The following WWP1 variants were observed in gnomAD, a reference collection of about 807,000 sequenced individuals.
WWP1 encodes WW domain containing E3 ubiquitin protein ligase 1.
WWP1 carries 49 observed loss-of-function variants against 130.6 expected under a neutral mutation model. The ratio of observed to expected loss-of-function variants is 0.38; its 90% CI spans 0.30 to 0.48. The LOEUF (loss-of-function observed/expected upper bound fraction) is 0.48, where lower values mean the gene tolerates loss of function less well. Ranked by LOEUF, WWP1 falls within the 20% of genes least tolerant of loss-of-function variation. WWP1 has a pLI of 0.99. For synonymous variants in WWP1, 332 were observed against 367.8 expected, an observed-to-expected ratio of 0.90 and a Z score of 1.11; for missense variants, 809 against 1,100.6, an observed-to-expected ratio of 0.74 and a Z score of 3.75.
intron 24 of WWP1, 99 bp from the exon 25 acceptor site, chr8:86,466,695 C>A: frequency 1.3e-6 from 1 of 748,592 alleles, no homozygotes. Flanking sequence ...ATATAGTATA[C>A]ATATATCCAT....
intron 9 of WWP1, among the ~76,000 whole-genome samples, chr8:86,421,384 G>GT (rs1809191776): frequency 6.6e-6 from 1 of 152,128 alleles, no homozygotes; most frequent in South Asian, 2.1e-4. Context: ...TTTTAAGTAT[G>GT]TATGTGTTTA....
intron 5 of WWP1, among the ~76,000 whole-genome samples, chr8:86,388,683 A>G (rs1479802890): frequency 1.3e-5 from 2 of 151,858 alleles, no homozygotes; most frequent in South Asian, 2.1e-4. Context: ...CATGTTTTCC[A>G]TTGTATTTTT....
chr8:86,401,012 T>G (rs1483469025), intron 7 of WWP1, among the ~76,000 whole-genome samples: 1 of 142,298 alleles, frequency 7.0e-6, no homozygotes, highest in Non-Finnish European at 1.5e-5. Flanking sequence ...ACTTTTTTTG[T>G]TTTTTTTTTT....
At chr8:86,393,400 AC>A (rs553965588) in intron 5 of WWP1, among the ~76,000 whole-genome samples, 14 of 152,032 alleles carry the variant, frequency 9.2e-5, no homozygotes, top group Non-Finnish European at 1.5e-4. Context: ...GGCACGTGCC[AC>A]CATGCCTGGC....
chr8:86,415,818 G>A lies in WWP1; in HGVS notation c.1061+3944G>A, dbSNP rs1359789156. Among the ~76,000 whole-genome samples the A allele has an allele frequency of 3.3e-5, 5 of 152,136 alleles. No homozygotes were observed. The East Asian group carries it at 7.7e-4, about 23-fold the overall frequency. ...ATTATTTTTCTAGCACTTAAATTATGTGACACACAGTGTTATTATCTGTTG... is the reference window on the plus strand; with the variant it reads ...ATTATTTTTCTAGCACTTAAATTATATGACACACAGTGTTATTATCTGTTG... On this transcript the variant is annotated intron_variant, in intron 9 of 24. Coordinates refer to ENST00000517970, the MANE Select transcript of WWP1 (RefSeq NM_007013.4).
rs113040107 is a variant in WWP1 at position 86,447,049 on chromosome 8, A to T, written c.1999-1099A>T. Among the ~76,000 whole-genome samples, 4 of 152,264 alleles carry T rather than the reference A, an allele frequency of 2.6e-5. No homozygotes were observed. In the South Asian group the frequency reaches 8.3e-4, roughly 32 times the overall value. Reference sequence around the variant, plus strand: ...AGTAGGAATGAAATAGTCATCTAGGAAAGTGGGAGAGTGAATGCAGTAGGG... The same window carrying T: ...AGTAGGAATGAAATAGTCATCTAGGTAAGTGGGAGAGTGAATGCAGTAGGG... On this transcript the variant is annotated intron_variant, in intron 18 of 24. Coordinates refer to ENST00000517970, the MANE Select transcript of WWP1 (RefSeq NM_007013.4).
chr8:86,344,500 C>T (rs10100698), intron 1 of WWP1, among the ~76,000 whole-genome samples: 22,105 of 152,116 alleles, frequency 0.15, 1,772 homozygotes, highest in Non-Finnish European at 0.19. Context: ...AAAGATGAAC[C>T]GATTAGCAAT....
At chr8:86,440,515 A>T (rs2130716653) in intron 17 of WWP1, 1 of 319,106 alleles carries the variant, frequency 3.1e-6, no homozygotes, top group East Asian at 8.2e-5. Context: ...AGTACTGTGA[A>T]GTGTGAGGCC....
chr8:86,373,341 T>C, intron 2 of WWP1, among the ~76,000 whole-genome samples: 1 of 152,178 alleles, frequency 6.6e-6, no homozygotes. Context: ...GTTCTGTTGA[T>C]GTTATTAAAT....
At chr8:86,397,727 A>G (rs756865918) in intron 5 of WWP1, among the ~76,000 whole-genome samples, 1 of 152,216 alleles carries the variant, frequency 6.6e-6, no homozygotes, top group Non-Finnish European at 1.5e-5. Context: ...TTAAATAAGA[A>G]CTAGATGTTC....
chr8:86,417,594 AT>A (rs1808961943), intron 9 of WWP1, among the ~76,000 whole-genome samples: 1 of 152,218 alleles, frequency 6.6e-6, no homozygotes, highest in African/African-American at 2.4e-5. Flanking sequence ...CTTACTGAAT[AT>A]TTGTTAGATG....
intron 9 of WWP1, among the ~76,000 whole-genome samples, chr8:86,416,769 C>T (rs1164185951): frequency 1.3e-5 from 2 of 151,990 alleles, no homozygotes; most frequent in African/African-American, 4.8e-5. Context: ...TAATTTGCAC[C>T]TAGTTGAGGG....
intron 1 of WWP1, among the ~76,000 whole-genome samples, chr8:86,346,326 G>A (rs1369287144): frequency 2.6e-5 from 4 of 152,160 alleles, no homozygotes; most frequent in Non-Finnish European, 5.9e-5. Flanking sequence ...GGGAGGCTGA[G>A]GCAGGAGGAT....
In WWP1 at chr8:86,449,020, TG is replaced by T. The variant is rs200669920; in HGVS notation, c.2273+508del. On this transcript the variant is annotated intron_variant, in intron 20 of 24. Coordinates refer to ENST00000517970, the MANE Select transcript of WWP1 (RefSeq NM_007013.4). ...TAATTTAAAACAATTTTTTTTTTTT[TG>T]TAAAGATAGGGTCTCACTGTATTGC... Among the ~76,000 whole-genome samples, 102 of 151,394 alleles carry T rather than the reference TG, an allele frequency of 6.7e-4. 1 individual carries two copies. The highest frequency in any genetic ancestry group is 2.1e-3 in the African/African-American group (85 of 41,068).
At chr8:86,386,949 A>T (rs547140117) in intron 5 of WWP1, 1 of 152,148 alleles carries the variant, frequency 6.6e-6, no homozygotes, top group Non-Finnish European at 1.5e-5. Context: ...GGGGATGAAC[A>T]CTGTCCTCAC....
At chr8:86,389,677 C>T (rs1242557000) in intron 5 of WWP1, among the ~76,000 whole-genome samples, 2 of 152,256 alleles carry the variant, frequency 1.3e-5, no homozygotes, top group African/African-American at 2.4e-5. Flanking sequence ...GGGTACACCT[C>T]CCAGACGGGG....
At chr8:86,388,230 G>A (rs6471314) in intron 5 of WWP1, among the ~76,000 whole-genome samples, 109,620 of 149,120 alleles carry the variant, frequency 0.74, 41,016 homozygotes, top group African/African-American at 0.84. Context: ...TAGAGTTTTA[G>A]TTTCATCAGT....
chr8:86,445,097 A>T (rs1810788834), intron 18 of WWP1, among the ~76,000 whole-genome samples: 1 of 152,148 alleles, frequency 6.6e-6, no homozygotes, highest in Non-Finnish European at 1.5e-5. Flanking sequence ...AGGAAGTGCC[A>T]TACTCTTTTT....
intron 5 of WWP1, among the ~76,000 whole-genome samples, chr8:86,390,858 TC>T (rs1184652091): frequency 6.6e-6 from 1 of 152,180 alleles, no homozygotes; most frequent in Non-Finnish European, 1.5e-5. Flanking sequence ...GGTCATTTGT[TC>T]CTTTTCAGAT....
Sources: allele counts gnomAD v4.1 joint callset (sites outside exome capture counted in the v4.1 genomes callset), GRCh38; gene constraint gnomAD v4.1.1; transcripts MANE v1.5; gene names NCBI Gene and HGNC (gene_info 2026-07-23, HGNC 2026-07-21).